The following KCNMB2 variants were observed in gnomAD, a reference collection of about 807,000 sequenced individuals.
The protein encoded by KCNMB2 is potassium calcium-activated channel subfamily M regulatory beta subunit 2, also known as calcium-activated potassium channel subunit beta-2.
A neutral mutation model predicts 24.5 loss-of-function variants in KCNMB2; 9 were observed. The observed-to-expected ratio is 0.37, with a 90% CI of 0.22 to 0.64. The LOEUF (loss-of-function observed/expected upper bound fraction) is 0.64. KCNMB2 is among the 30% of genes least tolerant of loss of function. The pLI, the probability that KCNMB2 is intolerant of heterozygous loss-of-function variation, is 0.63. For synonymous variants in KCNMB2, 109 were observed against 104.4 expected (o/e 1.04, Z -0.27); for missense variants, 226 against 284.3 (o/e 0.79, Z 1.47).
intron 1 of KCNMB2, among the ~76,000 whole-genome samples, chr3:178,681,011 C>A (rs1721253576): frequency 6.6e-6 from 1 of 152,174 alleles, no homozygotes; most frequent in African/African-American, 2.4e-5. Context: ...ACAGTCAGAG[C>A]TCTGAGTTGC....
rs529432838 is a variant in KCNMB2, at chr3:178,832,617, T to C, written c.423+4244T>C. Reference sequence around the variant, plus strand: ...CATGTCTTATGCTCCCTTTTGTTTTTCTCCCTCCTTTTGTCTCTCTTTACT... The same window carrying C: ...CATGTCTTATGCTCCCTTTTGTTTTCCTCCCTCCTTTTGTCTCTCTTTACT... On this transcript the variant is annotated intron_variant, in intron 4 of 4. Transcript: ENST00000452583. Among the ~76,000 whole-genome samples, 6 of 80,862 alleles carry C rather than the reference T, an allele frequency of 7.4e-5. 3 individuals carry two copies. Among genetic ancestry groups the C allele is most frequent in the African/African-American group, 6.7e-4 (6 of 8,902 alleles). 53.0% of individuals were successfully genotyped at this position (80,862 alleles called of 152,430 possible).
At chr3:178,572,051 T>C (rs945754322) in intron 1 of KCNMB2, among the ~76,000 whole-genome samples, 14 of 152,234 alleles carry the variant, frequency 9.2e-5, no homozygotes, top group African/African-American at 3.4e-4. Context: ...GTAAGATTTA[T>C]TTTTTGAATT....
At chr3:178,556,291 A>C (rs1331129445) in intron 1 of KCNMB2, among the ~76,000 whole-genome samples, 1 of 152,210 alleles carries the variant, frequency 6.6e-6, no homozygotes, top group Non-Finnish European at 1.5e-5. Context: ...TGGTCATTTA[A>C]ACTTAAGCAA....
chr3:178,719,714 C>T (rs1263595750), intron 1 of KCNMB2, among the ~76,000 whole-genome samples: 1 of 152,124 alleles, frequency 6.6e-6, no homozygotes, highest in Non-Finnish European at 1.5e-5. Context: ...TCCAAATATA[C>T]ATTTTTCTCT....
At chr3:178,593,780 T>C (rs1175670639) in intron 1 of KCNMB2, among the ~76,000 whole-genome samples, 2 of 151,308 alleles carry the variant, frequency 1.3e-5, no homozygotes, top group Non-Finnish European at 2.9e-5. Context: ...CTCCTTTCAA[T>C]ACATCTCCAC....
At chr3:178,669,270 T>C (rs556209075) in intron 1 of KCNMB2, among the ~76,000 whole-genome samples, 3 of 152,276 alleles carry the variant, frequency 2.0e-5, no homozygotes, top group Admixed American at 6.5e-5. Context: ...GACCTTTTAC[T>C]GCATTCCTAA....
intron 2 of KCNMB2, among the ~76,000 whole-genome samples, chr3:178,823,153 A>G (rs544955771): frequency 1.3e-5 from 2 of 152,354 alleles, no homozygotes; most frequent in South Asian, 4.1e-4. Flanking sequence ...TAAAGGGTGA[A>G]GTTTTAAAAG....
chr3:178,584,717 A>G (rs1383462459), intron 1 of KCNMB2, among the ~76,000 whole-genome samples: 3 of 150,980 alleles, frequency 2.0e-5, no homozygotes, highest in African/African-American at 4.9e-5. Flanking sequence ...CAAAAAAAAA[A>G]GAAAAAGTTT....
intron 1 of KCNMB2, among the ~76,000 whole-genome samples, chr3:178,635,408 T>TACACACACACGC (rs377063055): frequency 3.5e-5 from 5 of 144,878 alleles, no homozygotes; most frequent in African/African-American, 1.3e-4. Flanking sequence ...TGCTTATGCA[T>TACACACACACGC]ACACACACAC....
At chr3:178,635,699 T>C (rs1248459524) in intron 1 of KCNMB2, among the ~76,000 whole-genome samples, 3 of 152,208 alleles carry the variant, frequency 2.0e-5, no homozygotes, top group African/African-American at 4.8e-5. Flanking sequence ...AAATTTATAT[T>C]CAGGTATACA....
chr3:178,597,363 A>G (rs892791272), intron 1 of KCNMB2, among the ~76,000 whole-genome samples: 2 of 152,122 alleles, frequency 1.3e-5, no homozygotes, highest in Non-Finnish European at 2.9e-5. Flanking sequence ...TTTATTTCGG[A>G]TATCATCATT....
At chr3:178,755,789 T>C (rs954112095) in intron 1 of KCNMB2, among the ~76,000 whole-genome samples, 1 of 152,194 alleles carries the variant, frequency 6.6e-6, no homozygotes, top group African/African-American at 2.4e-5. Context: ...GTTTTCTGAG[T>C]TGCACTCAAA....
At chr3:178,695,260 G>C (rs1248260086) in intron 1 of KCNMB2, among the ~76,000 whole-genome samples, 2 of 152,154 alleles carry the variant, frequency 1.3e-5, no homozygotes, top group Non-Finnish European at 2.9e-5. Context: ...GGGGGCCCTG[G>C]ACTCAGCTCA....
At chr3:178,582,574 A>G (rs2108490823) in intron 1 of KCNMB2, among the ~76,000 whole-genome samples, 1 of 152,326 alleles carries the variant, frequency 6.6e-6, no homozygotes, top group African/African-American at 2.4e-5. Flanking sequence ...AAGACATGTC[A>G]TGTAATTACA....
chr3:178,751,076 A>AT (rs149334812), intron 1 of KCNMB2, among the ~76,000 whole-genome samples: 4,406 of 151,818 alleles, frequency 0.029, 225 homozygotes, highest in African/African-American at 0.1. Context: ...AATAGTTTGC[A>AT]TTTTTTTTGC....
chr3:178,589,227 G>A (rs73882826), intron 1 of KCNMB2, among the ~76,000 whole-genome samples: 115 of 152,208 alleles, frequency 7.6e-4, no homozygotes, highest in African/African-American at 2.7e-3. Flanking sequence ...AAAACACAAG[G>A]CTTGCAGAGC....
chr3:178,773,671 C>G lies in KCNMB2; in HGVS notation c.-67-33672C>G, dbSNP rs143720061. ...CTTTTTTGGGACTCCAGAAATTCAC[C>G]AGGGATATTCTTCCAAAGGTTTGTG... On this transcript the variant is annotated intron_variant, in intron 1 of 4. Transcript: ENST00000452583. Among the ~76,000 whole-genome samples the G allele has an allele frequency of 3.5e-3, 529 of 152,220 alleles. 4 individuals are homozygous for G. Among genetic ancestry groups the G allele is most frequent in the African/African-American group, 0.012 (509 of 41,542 alleles).
chr3:178,634,905 C>G (rs1215012404), intron 1 of KCNMB2, among the ~76,000 whole-genome samples: 1 of 152,054 alleles, frequency 6.6e-6, no homozygotes, highest in East Asian at 1.9e-4. Flanking sequence ...CATGCCAGGC[C>G]TAGGGTAAAA....
At chr3:178,750,922 A>G (rs1375582768) in intron 1 of KCNMB2, among the ~76,000 whole-genome samples, 1 of 152,238 alleles carries the variant, frequency 6.6e-6, no homozygotes, top group Non-Finnish European at 1.5e-5. Context: ...AGTACACCAT[A>G]GCACTTTCTT....
Sources: gnomAD v4.1 joint callset for allele counts (sites outside exome capture counted in the v4.1 genomes callset) on GRCh38, gnomAD v4.1.1 for gene constraint, MANE v1.5 for transcripts, NCBI Gene and HGNC (gene_info 2026-07-23, HGNC 2026-07-21) for gene names.